Variants in ALK observed in about 807,000 individuals in gnomAD.
ALK encodes ALK receptor tyrosine kinase, also known as ALK tyrosine kinase receptor.
A neutral mutation model predicts 163.1 loss-of-function variants in ALK; 74 were observed. The ratio of observed to expected loss-of-function variants is 0.45; its 90% CI spans 0.38 to 0.55. The LOEUF (loss-of-function observed/expected upper bound fraction) is 0.55, where lower values mean the gene tolerates loss of function less well. Among genes scored for constraint, ALK ranks in the 20% least tolerant of loss-of-function variants. The pLI, the probability that ALK is intolerant of heterozygous loss-of-function variation, is 0.00. For missense variants in ALK, 2,063 were observed against 2,105.3 expected, an observed-to-expected ratio of 0.98 and a Z score of 0.39; for synonymous variants, 960 against 843.2, an observed-to-expected ratio of 1.14 and a Z score of -2.40.
intron 4 of ALK, among the ~76,000 whole-genome samples, chr2:29,482,160 G>A (rs1483968374): frequency 1.3e-5 from 2 of 152,164 alleles, no homozygotes; most frequent in Non-Finnish European, 2.9e-5. Flanking sequence ...GAAAACCCTA[G>A]TAGCATTGGA....
At chr2:29,279,306 T>A (rs943375244) in intron 9 of ALK, among the ~76,000 whole-genome samples, 1 of 152,196 alleles carries the variant, frequency 6.6e-6, no homozygotes, top group Non-Finnish European at 1.5e-5. Flanking sequence ...GATGGCAATA[T>A]GGAACCAGGC....
intron 3 of ALK, among the ~76,000 whole-genome samples, chr2:29,602,715 C>A (rs1464295825): frequency 6.6e-6 from 1 of 152,138 alleles, no homozygotes; most frequent in Admixed American, 6.5e-5. Flanking sequence ...TGCAAAAATA[C>A]ATAATGATGC....
chr2:29,846,623 A>C (rs193302395), intron 1 of ALK, among the ~76,000 whole-genome samples: 7 of 152,230 alleles, frequency 4.6e-5, no homozygotes, highest in African/African-American at 1.7e-4. Context: ...ACCAAAGTCC[A>C]CCTCCTCCCC....
intron 9 of ALK, among the ~76,000 whole-genome samples, chr2:29,290,534 A>G (rs113919317): frequency 0.052 from 7,883 of 152,276 alleles, 279 homozygotes; most frequent in Non-Finnish European, 0.074. Flanking sequence ...ACAAGAGCAG[A>G]TGTGGGGGGC....
At chr2:29,549,273 G>A (rs774881146) in intron 3 of ALK, among the ~76,000 whole-genome samples, 1 of 152,140 alleles carries the variant, frequency 6.6e-6, no homozygotes. Flanking sequence ...CCAGGTTCAA[G>A]ATGAGTAGTG....
intron 4 of ALK, among the ~76,000 whole-genome samples, chr2:29,476,993 C>A (rs62129084): frequency 0.32 from 48,094 of 152,050 alleles, 9,568 homozygotes; most frequent in Non-Finnish European, 0.45. Flanking sequence ...TCCTGATAGA[C>A]CACACAGAGT....
intron 4 of ALK, among the ~76,000 whole-genome samples, chr2:29,440,344 A>T (rs1573355952): frequency 7.6e-6 from 1 of 131,206 alleles, no homozygotes; most frequent in Non-Finnish European, 1.6e-5. Context: ...TTTGAGACGG[A>T]GTCTCTGTTG....
At chr2:29,258,498 T>A (rs1665006676) in intron 11 of ALK, among the ~76,000 whole-genome samples, 1 of 152,252 alleles carries the variant, frequency 6.6e-6, no homozygotes, top group African/African-American at 2.4e-5. Context: ...AGTAATATGG[T>A]TCATGTAGAA....
chr2:29,653,199 A>G (rs1359450654), intron 3 of ALK, among the ~76,000 whole-genome samples: 1 of 152,148 alleles, frequency 6.6e-6, no homozygotes, highest in Non-Finnish European at 1.5e-5. Context: ...ATGTGGTCAC[A>G]GATGTCTTCT....
intron 1 of ALK, among the ~76,000 whole-genome samples, chr2:29,851,534 G>C (rs2148401098): frequency 6.6e-6 from 1 of 152,256 alleles, no homozygotes; most frequent in South Asian, 2.1e-4. Context: ...TGAATGCCTA[G>C]ACCAGTTGTT....
intron 3 of ALK, among the ~76,000 whole-genome samples, chr2:29,575,145 G>C (rs1674488021): frequency 6.6e-6 from 1 of 152,106 alleles, no homozygotes; most frequent in Non-Finnish European, 1.5e-5. Flanking sequence ...AATTTTCATA[G>C]AACTCAATTA....
chr2:29,447,718 G>A (rs1363792442), intron 4 of ALK, among the ~76,000 whole-genome samples: 1 of 152,174 alleles, frequency 6.6e-6, no homozygotes, highest in East Asian at 1.9e-4. Context: ...CACACCTCAG[G>A]TTCAATGGCA....
chr2:29,292,383 T>C (rs72790292), intron 9 of ALK, among the ~76,000 whole-genome samples: 1 of 152,162 alleles, frequency 6.6e-6, no homozygotes, highest in Non-Finnish European at 1.5e-5. Context: ...GTAAGATATA[T>C]AGAGAGAGGA....
intron 3 of ALK, among the ~76,000 whole-genome samples, chr2:29,617,931 T>C (rs971337520): frequency 6.6e-6 from 1 of 152,226 alleles, no homozygotes; most frequent in Non-Finnish European, 1.5e-5. Flanking sequence ...CCCATAGTCC[T>C]GTGATGACTC....
intron 3 of ALK, among the ~76,000 whole-genome samples, chr2:29,548,350 G>A (rs1427544011): frequency 2.6e-5 from 4 of 152,102 alleles, no homozygotes; most frequent in Non-Finnish European, 2.9e-5. Context: ...GCGTGCACCT[G>A]TAATCCCAGC....
chr2:29,809,060 C>A (rs1449944720), intron 1 of ALK, among the ~76,000 whole-genome samples: 1 of 152,150 alleles, frequency 6.6e-6, no homozygotes, highest in Non-Finnish European at 1.5e-5. Flanking sequence ...AATAATGAGT[C>A]CCTTATTGAT....
At chr2:29,704,609 T>C (rs774209332) in intron 2 of ALK, among the ~76,000 whole-genome samples, 29 of 152,228 alleles carry the variant, frequency 1.9e-4, no homozygotes, top group Non-Finnish European at 2.6e-4. Context: ...TTCAAATATC[T>C]CCCAATGATC....
intron 8 of ALK, 46 bp from the exon 9 acceptor site, chr2:29,297,103 G>C: frequency 6.2e-7 from 1 of 1,612,448 alleles, no homozygotes; most frequent in Non-Finnish European, 8.5e-7. Context: ...ATTGCTGAAA[G>C]GTCCCCTTTC....
intron 11 of ALK, among the ~76,000 whole-genome samples, chr2:29,272,753 C>G (rs753055949): frequency 2.0e-5 from 3 of 152,212 alleles, no homozygotes; most frequent in Non-Finnish European, 4.4e-5. Flanking sequence ...GATTTGTTTA[C>G]TGTTCGTTCA....
Sources: gnomAD v4.1 joint callset for allele counts (sites outside exome capture counted in the v4.1 genomes callset) on GRCh38, gnomAD v4.1.1 for gene constraint, MANE v1.5 for transcripts, NCBI Gene and HGNC (gene_info 2026-07-23, HGNC 2026-07-21) for gene names.